STAU2: variants seen among roughly 807,000 people sequenced by gnomAD.
STAU2 encodes the protein double-stranded RNA-binding protein Staufen homolog 2.
A neutral mutation model predicts 65.9 loss-of-function variants in STAU2; 20 were observed. The observed-to-expected ratio is 0.30, with a 90% CI of 0.21 to 0.44. The LOEUF (loss-of-function observed/expected upper bound fraction) is 0.44, where lower values mean the gene tolerates loss of function less well. Ranked by LOEUF, STAU2 falls within the 20% of genes least tolerant of loss-of-function variation. The pLI is 1.00. For synonymous variants in STAU2, 232 were observed against 233.9 expected, an observed-to-expected ratio of 0.99 and a Z score of 0.07; for missense variants, 558 against 683.9, an observed-to-expected ratio of 0.82 and a Z score of 2.05.
intron 12 of STAU2, among the ~76,000 whole-genome samples, chr8:73,574,237 A>G (rs1809339818): frequency 1.3e-5 from 2 of 152,228 alleles, no homozygotes; most frequent in Admixed American, 1.3e-4. Flanking sequence ...AATGGCGATA[A>G]TTAAAAAGTC....
chr8:73,457,502 A>G (rs1037041316), intron 13 of STAU2, among the ~76,000 whole-genome samples: 2 of 152,254 alleles, frequency 1.3e-5, no homozygotes, highest in South Asian at 2.1e-4. Flanking sequence ...TGCTGTCACA[A>G]GGGAATTTCA....
chr8:73,630,129 A>T (rs947523791), intron 6 of STAU2, among the ~76,000 whole-genome samples: 10 of 152,360 alleles, frequency 6.6e-5, no homozygotes, highest in African/African-American at 2.2e-4. Flanking sequence ...TATAATTTTC[A>T]GTCATTTTAA....
chr8:73,708,079 C>T (rs567928486), intron 4 of STAU2, among the ~76,000 whole-genome samples: 30 of 150,976 alleles, frequency 2.0e-4, no homozygotes, highest in Non-Finnish European at 4.1e-4. Flanking sequence ...ACCAAGGCTA[C>T]AACTATTTTT....
chr8:73,637,816 T>C (rs28521163), intron 6 of STAU2, among the ~76,000 whole-genome samples: 12,589 of 152,054 alleles, frequency 0.083, 595 homozygotes, highest in Middle Eastern at 0.14. Context: ...CTTTAAGATA[T>C]AGACTAAAGC....
chr8:73,738,710 T>G (rs1806617487), intron 2 of STAU2, among the ~76,000 whole-genome samples: 1 of 152,228 alleles, frequency 6.6e-6, no homozygotes, highest in Non-Finnish European at 1.5e-5. Context: ...AAAGTGAAGC[T>G]GTTAAAAATA....
At chr8:73,677,748 A>G (rs555722808) in intron 5 of STAU2, among the ~76,000 whole-genome samples, 4 of 152,302 alleles carry the variant, frequency 2.6e-5, no homozygotes, top group South Asian at 2.1e-4. Flanking sequence ...ATCAAGCTCT[A>G]TAACTGTAAT....
At chr8:73,654,704 T>C (rs1816201760) in intron 6 of STAU2, among the ~76,000 whole-genome samples, 1 of 138,774 alleles carries the variant, frequency 7.2e-6, no homozygotes, top group Non-Finnish European at 1.5e-5. Context: ...TTTTTTTTTT[T>C]GAGACGGAGT....
chr8:73,522,683 T>C (rs1416229980), intron 13 of STAU2, among the ~76,000 whole-genome samples: 1 of 152,176 alleles, frequency 6.6e-6, no homozygotes, highest in Non-Finnish European at 1.5e-5. Context: ...AGTGTGAATT[T>C]CTAATATCAT....
intron 7 of STAU2, among the ~76,000 whole-genome samples, chr8:73,617,000 A>C (rs1375043060): frequency 6.6e-6 from 1 of 152,222 alleles, no homozygotes; most frequent in Non-Finnish European, 1.5e-5. Flanking sequence ...CTAGATTCAC[A>C]CAATGTAATC....
intron 6 of STAU2, chr8:73,653,602 A>G (rs1392163348): frequency 6.0e-6 from 1 of 166,028 alleles, no homozygotes; most frequent in African/African-American, 2.4e-5. Flanking sequence ...ACCAGTATTT[A>G]AATGACTGGA....
rs750929127 is a variant in STAU2 at position 73,524,106 on chromosome 8, TAG to T, written c.1530+27904_1530+27905del. On this transcript the variant is annotated intron_variant, in intron 13 of 14. Coordinates refer to ENST00000524300, the MANE Select transcript of STAU2 (RefSeq NM_001164380.2). ...AAAGGTAGAAAAAATGAGGCTAATT[TAG>T]AGACTGCTGCAGTCATCTGGGTTAA... Among the ~76,000 whole-genome samples, 86 of 152,288 alleles carry T rather than the reference TAG, an allele frequency of 5.6e-4. No individual in the cohort carries two copies. In the Middle Eastern group the frequency reaches 0.02, roughly 36 times the overall value.
Position 73,608,435 on chromosome 8 carries a change from C to T in STAU2, c.892-4572G>A, listed in dbSNP as rs144088708. On this transcript the variant is annotated intron_variant, in intron 9 of 14. Coordinates refer to ENST00000524300, the MANE Select transcript of STAU2 (RefSeq NM_001164380.2). ...CAGCCTGACCAACATGGTGAAAGCC[C>T]GTCTCTACTAAAAAAACAAAAATTA... Among the ~76,000 whole-genome samples, 875 of 151,388 alleles carry T rather than the reference C, an allele frequency of 5.8e-3. 5 individuals are homozygous for T. Among genetic ancestry groups the T allele is most frequent in the African/African-American group, 0.02 (830 of 41,256 alleles).
chr8:73,627,062 G>C (rs1184672578), intron 6 of STAU2, among the ~76,000 whole-genome samples: 2 of 151,810 alleles, frequency 1.3e-5, no homozygotes, highest in Non-Finnish European at 2.9e-5. Context: ...TGTGAAGAAG[G>C]GTCCCTGGCA....
intron 13 of STAU2, among the ~76,000 whole-genome samples, chr8:73,451,574 G>A (rs893657961): frequency 2.0e-5 from 3 of 151,518 alleles, no homozygotes; most frequent in Non-Finnish European, 2.9e-5. Context: ...CCCACCCCCC[G>A]CAACTAGATC....
intron 6 of STAU2, among the ~76,000 whole-genome samples, chr8:73,656,797 G>A (rs1228263481): frequency 3.3e-5 from 5 of 152,034 alleles, no homozygotes; most frequent in Non-Finnish European, 7.4e-5. Flanking sequence ...ATACATTTCA[G>A]GCTTAAACAA....
chr8:73,582,867 C>G, intron 11 of STAU2, 37 bp from the exon 12 acceptor site: 1 of 1,551,644 alleles, frequency 6.4e-7, no homozygotes, highest in East Asian at 2.3e-5. Flanking sequence ...TCCAGAGAAA[C>G]AAGCTTATTC....
intron 6 of STAU2, among the ~76,000 whole-genome samples, chr8:73,655,556 G>A (rs920088751): frequency 6.8e-6 from 1 of 147,140 alleles, no homozygotes; most frequent in Admixed American, 6.8e-5. Flanking sequence ...GTACTTCCAT[G>A]TAAGTTAGAA....
intron 11 of STAU2, among the ~76,000 whole-genome samples, chr8:73,591,401 G>A (rs1408539900): frequency 1.3e-5 from 2 of 152,004 alleles, no homozygotes; most frequent in African/African-American, 2.4e-5. Flanking sequence ...AGTGCAAATG[G>A]TCTAATCACC....
At chr8:73,447,098 G>A (rs1386160500) in intron 13 of STAU2, among the ~76,000 whole-genome samples, 1 of 152,078 alleles carries the variant, frequency 6.6e-6, no homozygotes, top group Admixed American at 6.5e-5. Flanking sequence ...GGCATGTGCT[G>A]CCACGTCCGG....
Sources: gnomAD v4.1 joint callset for allele counts (sites outside exome capture counted in the v4.1 genomes callset) on GRCh38, gnomAD v4.1.1 for gene constraint, MANE v1.5 for transcripts, NCBI Gene and HGNC (gene_info 2026-07-23, HGNC 2026-07-21) for gene names.